AKAP19: variants seen among roughly 807,000 people sequenced by gnomAD.
AKAP19 encodes A-kinase anchoring protein 19, also known as small A-kinase anchoring protein.
At chr2:189,924,130 C>A in the AKAP19 span, 4 of 1,611,838 alleles carry the variant, frequency 2.5e-6, no homozygotes, top group South Asian at 3.3e-5. Context: ...GGGGGATGAC[C>A]AGCTGGAGTT....
chr2:190,037,753 C>T, the AKAP19 span, among the ~76,000 whole-genome samples: 11 of 152,096 alleles, frequency 7.2e-5, no homozygotes, highest in African/African-American at 2.7e-4. Context: ...CCATGTCTAC[C>T]GGGGTTCAAT....
chr2:189,989,545 A>G, the AKAP19 span, among the ~76,000 whole-genome samples: 15 of 152,036 alleles, frequency 9.9e-5, no homozygotes, highest in Admixed American at 5.2e-4. Flanking sequence ...TGTCAGACAA[A>G]ATGTTCTGTC....
At chr2:189,986,418 C>CA in the AKAP19 span, among the ~76,000 whole-genome samples, 22,881 of 139,842 alleles carry the variant, frequency 0.16, 1,779 homozygotes, top group Middle Eastern at 0.26. Flanking sequence ...AAAAGAAAAA[C>CA]AAAAAAAAAA....
At chr2:189,901,331 T>C in the AKAP19 span, among the ~76,000 whole-genome samples, 1 of 152,132 alleles carries the variant, frequency 6.6e-6, no homozygotes, top group African/African-American at 2.4e-5. Context: ...TTATGTTTTC[T>C]TGTTCTTCTT....
the AKAP19 span, among the ~76,000 whole-genome samples, chr2:190,052,441 C>G: frequency 6.6e-6 from 1 of 152,164 alleles, no homozygotes; most frequent in Non-Finnish European, 1.5e-5. Context: ...TCAGCATTAT[C>G]AGGATCTCAT....
chr2:190,025,938 A>G, the AKAP19 span, among the ~76,000 whole-genome samples: 10 of 152,162 alleles, frequency 6.6e-5, no homozygotes, highest in African/African-American at 2.4e-4. Context: ...TCAATCATTT[A>G]TATTTACCCC....
the AKAP19 span, among the ~76,000 whole-genome samples, chr2:190,146,712 TA>T: frequency 6.6e-6 from 1 of 152,268 alleles, no homozygotes; most frequent in Non-Finnish European, 1.5e-5. Flanking sequence ...AGTAAGGTGG[TA>T]TTGCATTATG....
the AKAP19 span, among the ~76,000 whole-genome samples, chr2:189,894,723 TATC>T: frequency 2.2e-4 from 33 of 151,100 alleles, no homozygotes; most frequent in African/African-American, 2.7e-4. Context: ...AATTAATACA[TATC>T]ATTATGTTAT....
chr2:190,195,006 C>A, the AKAP19 span, among the ~76,000 whole-genome samples: 1 of 152,134 alleles, frequency 6.6e-6, no homozygotes, highest in East Asian at 1.9e-4. Flanking sequence ...AGGTGTGCAC[C>A]ACCATGCCTG....
chr2:190,072,814 C>T, the AKAP19 span, among the ~76,000 whole-genome samples: 14 of 152,178 alleles, frequency 9.2e-5, no homozygotes, highest in Admixed American at 2.6e-4. Context: ...ACAGCTAAAA[C>T]GTTACATACC....
chr2:190,051,381 A>G, the AKAP19 span, among the ~76,000 whole-genome samples: 1 of 152,188 alleles, frequency 6.6e-6, no homozygotes, highest in South Asian at 2.1e-4. Context: ...GCCAGATTCC[A>G]GCCACTGTCA....
chr2:189,923,381 T>C, the AKAP19 span: 11 of 1,612,586 alleles, frequency 6.8e-6, no homozygotes, highest in South Asian at 1.1e-4. Context: ...TTCCATGAAC[T>C]CCCGTGTATT....
chr2:189,970,393 C>T, the AKAP19 span, among the ~76,000 whole-genome samples: 1 of 152,002 alleles, frequency 6.6e-6, no homozygotes, highest in African/African-American at 2.4e-5. Context: ...TTTATCATTC[C>T]CATATTTTTA....
chr2:189,905,024 A>G, the AKAP19 span, among the ~76,000 whole-genome samples: 1 of 152,026 alleles, frequency 6.6e-6, no homozygotes, highest in Non-Finnish European at 1.5e-5. Context: ...ACATGGGGTT[A>G]AATAGGCCCT....
At chr2:189,998,333 C>G in the AKAP19 span, among the ~76,000 whole-genome samples, 1 of 152,212 alleles carries the variant, frequency 6.6e-6, no homozygotes, top group Non-Finnish European at 1.5e-5. Context: ...TCTTCCCTGA[C>G]TGCTGCTATT....
At chr2:190,065,413 G>A in the AKAP19 span, among the ~76,000 whole-genome samples, 2 of 152,070 alleles carry the variant, frequency 1.3e-5, no homozygotes, top group South Asian at 2.1e-4. Context: ...TAATGCCACC[G>A]AACTGTACAC....
the AKAP19 span, chr2:190,059,941 G>T: frequency 9.9e-7 from 1 of 1,013,356 alleles, no homozygotes; most frequent in Non-Finnish European, 1.5e-6. Context: ...TACCGTTGGG[G>T]TAAGATACCT....
chr2:189,898,429 A>T, the AKAP19 span, among the ~76,000 whole-genome samples: 1 of 152,134 alleles, frequency 6.6e-6, no homozygotes, highest in African/African-American at 2.4e-5. Context: ...ATCCCCACAA[A>T]CATAATTTCC....
chr2:190,176,666 C>T, the AKAP19 span, among the ~76,000 whole-genome samples: 1 of 152,152 alleles, frequency 6.6e-6, no homozygotes, highest in Non-Finnish European at 1.5e-5. The surrounding 1 kb of genome is among the most constrained non-coding windows in gnomAD (Gnocchi z 4.7). Flanking sequence ...ATTTTCATAC[C>T]CACTCCTAGT....
Sources: gnomAD v4.1 joint callset for allele counts (sites outside exome capture counted in the v4.1 genomes callset) on GRCh38, gnomAD v4.1.1 for gene constraint, Gnocchi (gnomAD v3.1) non-coding constraint, MANE v1.5 for transcripts, NCBI Gene and HGNC (gene_info 2026-07-23, HGNC 2026-07-21) for gene names.